Variants in CCDC148 observed in about 807,000 individuals in gnomAD.
CCDC148 encodes the protein coiled-coil domain-containing protein 148.
Under a neutral mutation model 85.7 loss-of-function variants are expected in CCDC148, and 89 were observed. The observed-to-expected ratio is 1.04, with a 90% CI of 0.87 to 1.24. The LOEUF (loss-of-function observed/expected upper bound fraction) is 1.24. Among genes scored for constraint, CCDC148 ranks in the 50% most tolerant of loss-of-function variants. CCDC148 has a pLI of 0.00. For missense variants in CCDC148, 692 were observed against 671.7 expected (o/e 1.03, Z -0.33); for synonymous variants, 230 against 213.9 (o/e 1.08, Z -0.66).
chr2:158,378,428 G>A (rs1389741552), intron 1 of CCDC148, among the ~76,000 whole-genome samples: 1 of 152,154 alleles, frequency 6.6e-6, no homozygotes, highest in Non-Finnish European at 1.5e-5. Flanking sequence ...GCAAGATGGA[G>A]CAGCAAGTGC....
At chr2:158,372,473 T>C (rs7570724) in intron 1 of CCDC148, among the ~76,000 whole-genome samples, 140,936 of 152,032 alleles carry the variant, frequency 0.93, 65,367 homozygotes, top group East Asian at 0.98. Flanking sequence ...ACCACTTATC[T>C]TCCTACATGA....
At chr2:158,216,190 T>TA (rs1236347938) in intron 11 of CCDC148, among the ~76,000 whole-genome samples, 1 of 152,144 alleles carries the variant, frequency 6.6e-6, no homozygotes, top group Non-Finnish European at 1.5e-5. Flanking sequence ...TTAAAAATGA[T>TA]AAAAGCAATG....
At chr2:158,288,387 T>C (rs1482845597) in intron 9 of CCDC148, among the ~76,000 whole-genome samples, 2 of 152,252 alleles carry the variant, frequency 1.3e-5, no homozygotes, top group Non-Finnish European at 1.5e-5. Flanking sequence ...ATGCTCTGTT[T>C]CCCTTTTAAA....
intron 1 of CCDC148, among the ~76,000 whole-genome samples, chr2:158,365,838 C>T (rs1313969315): frequency 6.6e-6 from 1 of 151,950 alleles, no homozygotes; most frequent in Non-Finnish European, 1.5e-5. Flanking sequence ...GTATCCTGAC[C>T]ACTGTTGAGG....
At chr2:158,188,315 A>C in intron 11 of CCDC148, among the ~76,000 whole-genome samples, 1 of 152,062 alleles carries the variant, frequency 6.6e-6, no homozygotes. Flanking sequence ...TGGGGCCAAG[A>C]AAATCATGTA....
chr2:158,340,803 T>C, intron 3 of CCDC148, 123 bp from the exon 4 acceptor site: 1 of 629,438 alleles, frequency 1.6e-6, no homozygotes, highest in Non-Finnish European at 2.8e-6. Context: ...AACCATGTAC[T>C]AAATTCCTAA....
intron 11 of CCDC148, among the ~76,000 whole-genome samples, chr2:158,193,606 A>G (rs889825022): frequency 6.6e-6 from 1 of 152,056 alleles, no homozygotes; most frequent in Admixed American, 6.6e-5. Flanking sequence ...AAAGAATAAA[A>G]AAAGCCACAA....
intron 2 of CCDC148, among the ~76,000 whole-genome samples, chr2:158,350,834 G>T (rs1211162087): frequency 6.6e-6 from 1 of 151,990 alleles, no homozygotes; most frequent in African/African-American, 2.4e-5. Context: ...TAAAATATAC[G>T]TTAAATCAGG....
chr2:158,426,714 T>C (rs1206427851), intron 1 of CCDC148, among the ~76,000 whole-genome samples: 5 of 152,194 alleles, frequency 3.3e-5, no homozygotes, highest in Non-Finnish European at 5.9e-5. Flanking sequence ...AATTTAAGTT[T>C]TTTATGCTTA....
chr2:158,311,501 C>T (rs187957485), intron 8 of CCDC148, among the ~76,000 whole-genome samples: 11 of 139,364 alleles, frequency 7.9e-5, no homozygotes, highest in African/African-American at 2.5e-4. Flanking sequence ...CCGTGGAAAG[C>T]GGGAGACGGA....
At chr2:158,239,911 T>C (rs1209254369) in intron 10 of CCDC148, among the ~76,000 whole-genome samples, 1 of 152,074 alleles carries the variant, frequency 6.6e-6, no homozygotes, top group Non-Finnish European at 1.5e-5. Context: ...TTAGTTCCCA[T>C]GTTTGCAGTA....
At position 158,250,819 on chromosome 2, in the gene CCDC148, G is replaced by A; in HGVS notation, c.1204C>T (p.Leu402=). The A allele has an allele frequency of 6.3e-7, 1 of 1,595,038 alleles. No homozygotes were observed. Among genetic ancestry groups the A allele is most frequent in the Non-Finnish European group, 8.5e-7 (1 of 1,172,628 alleles). The stretch of plus-strand genomic sequence containing the variant: ...TGCAACAATTCCTTCTTCTTCCACA[G>A]TTTCTCTTTCTCCTCTTCCTTTTCT... ...RREKEEEKEK[L]WKKKELLQRA... is the part of the protein sequence containing the mutation. The change falls in exon 10 of 14, where the codon CTG becomes TTG. Residue 402 remains leucine, a synonymous_variant. Coordinates refer to ENST00000283233, the MANE Select transcript of CCDC148 (RefSeq NM_138803.4).
intron 9 of CCDC148, among the ~76,000 whole-genome samples, chr2:158,308,801 ACAGTT>A: frequency 6.6e-6 from 1 of 152,270 alleles, no homozygotes; most frequent in Admixed American, 6.5e-5. Context: ...ACTCTTACTT[ACAGTT>A]CTGCCACTAA....
intron 1 of CCDC148, among the ~76,000 whole-genome samples, chr2:158,427,972 G>A (rs747130901): frequency 6.6e-6 from 1 of 152,216 alleles, no homozygotes; most frequent in Non-Finnish European, 1.5e-5. Flanking sequence ...AGGAGAGGCA[G>A]ACAATGGCCA....
At chr2:158,203,319 T>C (rs376934628) in intron 11 of CCDC148, among the ~76,000 whole-genome samples, 7 of 152,340 alleles carry the variant, frequency 4.6e-5, no homozygotes, top group African/African-American at 1.7e-4. Flanking sequence ...TAGATACTGA[T>C]ACAAATAACT....
intron 9 of CCDC148, among the ~76,000 whole-genome samples, chr2:158,265,330 T>A (rs896367492): frequency 6.6e-6 from 1 of 152,224 alleles, no homozygotes; most frequent in East Asian, 1.9e-4. Context: ...ATCCTATACA[T>A]CATTATGTGC....
intron 1 of CCDC148, among the ~76,000 whole-genome samples, chr2:158,370,643 G>A (rs1384306729): frequency 6.6e-6 from 1 of 151,762 alleles, no homozygotes; most frequent in Non-Finnish European, 1.5e-5. Context: ...AAACATTATG[G>A]ACTGTAGTTT....
At chr2:158,283,876 A>C (rs537806522) in intron 9 of CCDC148, among the ~76,000 whole-genome samples, 95 of 152,072 alleles carry the variant, frequency 6.2e-4, no homozygotes, top group African/African-American at 1.5e-3. Context: ...GGAACCAACC[A>C]AAATGTCCAA....
intron 1 of CCDC148, among the ~76,000 whole-genome samples, chr2:158,397,756 C>T (rs980386821): frequency 6.6e-6 from 1 of 152,098 alleles, no homozygotes; most frequent in Non-Finnish European, 1.5e-5. Flanking sequence ...ATCATAATGA[C>T]AGGATCAAAT....
Sources: allele counts gnomAD v4.1 joint callset (sites outside exome capture counted in the v4.1 genomes callset), GRCh38; gene constraint gnomAD v4.1.1; transcripts MANE v1.5; gene names NCBI Gene and HGNC (gene_info 2026-07-23, HGNC 2026-07-21).